Variants in JAML observed in about 807,000 individuals in gnomAD.
The protein encoded by JAML is junction adhesion molecule like.
A neutral mutation model predicts 39.3 loss-of-function variants in JAML; 25 were observed. The observed-to-expected ratio is 0.64, with a 90% confidence interval of 0.46 to 0.89. The LOEUF is 0.89. Among genes scored for constraint, JAML ranks in the 40% least tolerant of loss-of-function variants. The probability of loss-of-function intolerance (pLI) is 0.00; values close to 1 mark genes in which losing one functional copy is unlikely to be tolerated. For missense variants in JAML, 440 were observed against 486.9 expected, an observed-to-expected ratio of 0.90 and a Z score of 0.91; for synonymous variants, 162 against 179.2, an observed-to-expected ratio of 0.90 and a Z score of 0.77.
chr11:118,210,753 C>T (rs17121882), intron 3 of JAML, 41 bp from the exon 4 acceptor site: 860,764 of 1,549,078 alleles, frequency 0.56, 246,770 homozygotes, highest in South Asian at 0.72. Context: ...AAAAGAGGTG[C>T]CAGACCGAGG....
intron 9 of JAML, 72 bp from the exon 10 acceptor site, chr11:118,194,489 T>A (rs919816120): frequency 1.6e-6 from 2 of 1,264,086 alleles, no homozygotes; most frequent in African/African-American, 2.9e-5. Context: ...CAGCTGCTGT[T>A]CATTGAGCTC....
In JAML at chr11:118,196,680, C is replaced by G. The variant is rs958729883; in HGVS notation, c.1092+55G>C. 65 of 1,505,910 alleles carry G rather than the reference C, an allele frequency of 4.3e-5. No homozygotes were observed. In the Admixed American group the frequency reaches 1.1e-3, roughly 24 times the overall value. 93.3% of individuals were successfully genotyped at this position (1,505,910 alleles called of 1,614,324 possible). A position where few individuals can be genotyped will look rare whatever the true frequency, so the allele number is the denominator to read the frequency against. On this transcript the variant is annotated intron_variant, in intron 9 of 9. Coordinates refer to ENST00000356289, the MANE Select transcript of JAML (RefSeq NM_001098526.2). ...TGGGCAACCCAGCCACGCCCACCACCACCACCACCTGAGCCTCTGACACCT... is the reference window on the plus strand; with the variant it reads ...TGGGCAACCCAGCCACGCCCACCACGACCACCACCTGAGCCTCTGACACCT...
chr11:118,199,719 CAG>C (rs1216481770), intron 7 of JAML, among the ~76,000 whole-genome samples: 1 of 130,444 alleles, frequency 7.7e-6, no homozygotes, highest in Non-Finnish European at 1.6e-5. Flanking sequence ...TTTTTTGAGA[CAG>C]AGTCTCGCTC....
intron 1 of JAML, among the ~76,000 whole-genome samples, chr11:118,223,698 G>C (rs1337070514): frequency 2.0e-5 from 3 of 151,998 alleles, no homozygotes; most frequent in Non-Finnish European, 4.4e-5. Flanking sequence ...CTACCTAAAT[G>C]ACTTGTAGTG....
intron 4 of JAML, among the ~76,000 whole-genome samples, chr11:118,207,367 A>G (rs985011569): frequency 6.6e-6 from 1 of 152,204 alleles, no homozygotes; most frequent in African/African-American, 2.4e-5. Flanking sequence ...AAAGGAACCC[A>G]ATGCCACATG....
intron 4 of JAML, among the ~76,000 whole-genome samples, chr11:118,207,618 G>A (rs1406969459): frequency 3.3e-5 from 5 of 152,170 alleles, no homozygotes; most frequent in Admixed American, 3.3e-4. Flanking sequence ...AAACTTTGTA[G>A]AGAAAATTAT....
intron 9 of JAML, among the ~76,000 whole-genome samples, chr11:118,196,047 G>A (rs1591455077): frequency 6.6e-6 from 1 of 151,530 alleles, no homozygotes; most frequent in Admixed American, 6.6e-5. Flanking sequence ...TGGCCAGGCT[G>A]GTCTCAAACT....
intron 3 of JAML, among the ~76,000 whole-genome samples, chr11:118,211,587 G>A (rs907274405): frequency 4.6e-5 from 7 of 152,084 alleles, no homozygotes; most frequent in Non-Finnish European, 8.8e-5. Context: ...TTTATCCCTC[G>A]TATAAAAATA....
chr11:118,213,339 A>G (rs775061367), intron 2 of JAML: 36 of 1,006,784 alleles, frequency 3.6e-5, no homozygotes, highest in Middle Eastern at 5.0e-4. Context: ...CCCAGTTCAT[A>G]TCAGAGAAGA....
At chr11:118,212,637 A>G in intron 2 of JAML, 76 bp from the exon 3 acceptor site, 5 of 1,559,062 alleles carry the variant, frequency 3.2e-6, no homozygotes, top group Non-Finnish European at 4.3e-6. Context: ...CCAATCATGG[A>G]GTACTAAACA....
In JAML at chr11:118,198,263, A is replaced by G. The variant is rs146805745; in HGVS notation, c.912-172T>C. On this transcript the variant is annotated intron_variant, in intron 7 of 9. Coordinates refer to ENST00000356289, the MANE Select transcript of JAML (RefSeq NM_001098526.2). Reference sequence around the variant, plus strand: ...GCTCACCTGGAAACCTGAGAAGCGCATCTCTTCTAATGAAGAACAAGAAGC... The same window carrying G: ...GCTCACCTGGAAACCTGAGAAGCGCGTCTCTTCTAATGAAGAACAAGAAGC... Among the ~76,000 whole-genome samples the G allele has an allele frequency of 2.2e-3, 337 of 152,336 alleles. 2 individuals are homozygous for G. Among genetic ancestry groups the G allele is most frequent in the African/African-American group, 7.8e-3 (325 of 41,580 alleles).
chr11:118,223,043 C>T (rs553053686), intron 1 of JAML, among the ~76,000 whole-genome samples: 2 of 137,918 alleles, frequency 1.5e-5, no homozygotes, highest in South Asian at 2.3e-4. Flanking sequence ...TGCAGAGAGT[C>T]GAGATTGTGC....
In JAML at chr11:118,194,475, A is replaced by G. The variant is rs2134636239; in HGVS notation, c.1093-58T>C. ...GCTTGTAAGAAGTAGTTCCATAATC[A>G]TAGCAGCTGCTGTTCATTGAGCTCT... On this transcript the variant is annotated intron_variant, in intron 9 of 9. Transcript: ENST00000356289. 2.9e-6 allele frequency: 4 copies of G among 1,402,328 alleles called. No individual in the cohort carries two copies. The East Asian group carries it at 9.1e-5, about 32-fold the overall frequency. 86.9% of individuals were successfully genotyped at this position (1,402,328 alleles called of 1,614,324 possible). A position where few individuals can be genotyped will look rare whatever the true frequency, so the allele number is the denominator to read the frequency against.
intron 1 of JAML, among the ~76,000 whole-genome samples, 166 bp from the exon 2 acceptor site, chr11:118,215,052 A>G (rs1479713226): frequency 6.6e-6 from 1 of 152,248 alleles, no homozygotes; most frequent in African/African-American, 2.4e-5. Context: ...GTTTGTATGC[A>G]GCGGGAGGTG....
chr11:118,210,324 C>G (rs562782595), intron 4 of JAML, among the ~76,000 whole-genome samples, 163 bp downstream of exon 4: 106 of 152,178 alleles, frequency 7.0e-4, no homozygotes, highest in African/African-American at 2.6e-3. Flanking sequence ...TAAAATAACT[C>G]TATTTTTATT....
At chr11:118,205,703 T>C (rs1331321635) in intron 5 of JAML, 179 bp downstream of exon 5, 2 of 593,886 alleles carry the variant, frequency 3.4e-6, no homozygotes, top group African/African-American at 3.7e-5. Flanking sequence ...TTCTTGTTCT[T>C]GTTCTTCATT....
Position 118,222,872 on chromosome 11 carries a change from A to C in JAML, c.-21+2069T>G, listed in dbSNP as rs1949223463. ...AACTTTGGGAGGCTGAGGTGGGGAG[A>C]TCACTTGAGGTTAGGAGTTCCAGAC... On this transcript the variant is annotated intron_variant, in intron 1 of 9. Coordinates refer to ENST00000356289, the MANE Select transcript of JAML (RefSeq NM_001098526.2). The surrounding 1 kb of genome is among the most constrained non-coding windows in gnomAD (Gnocchi z 4.2). 6.6e-6 allele frequency among the ~76,000 whole-genome samples: 1 copy of C among 152,088 alleles called. No individual in the cohort carries two copies. The highest frequency in any genetic ancestry group is 1.5e-5 in the Non-Finnish European group (1 of 68,000).
chr11:118,202,685 T>C, intron 6 of JAML: 1 of 296,606 alleles, frequency 3.4e-6, no homozygotes, highest in Non-Finnish European at 6.8e-6. Flanking sequence ...GGAGACAAGG[T>C]GCCTCCACAG....
At chr11:118,205,127 A>C (rs534724018) in intron 5 of JAML, 91 of 152,386 alleles carry the variant, frequency 6.0e-4, no homozygotes, top group African/African-American at 2.1e-3. Context: ...TGACCCACTC[A>C]GATAGCATAG....
Sources: allele counts gnomAD v4.1 joint callset (sites outside exome capture counted in the v4.1 genomes callset), GRCh38; gene constraint gnomAD v4.1.1; non-coding constraint Gnocchi (gnomAD v3.1); transcripts MANE v1.5; gene names NCBI Gene and HGNC (gene_info 2026-07-23, HGNC 2026-07-21).